ADAMTS5: variants seen among roughly 807,000 people sequenced by gnomAD.
ADAMTS5 encodes the protein A disintegrin and metalloproteinase with thrombospondin motifs 5.
In ADAMTS5, 54 loss-of-function variants were observed where a neutral mutation model predicts 81.4. The observed-to-expected ratio is 0.66, with a 90% CI of 0.53 to 0.83. The LOEUF (loss-of-function observed/expected upper bound fraction) is 0.83, where lower values mean the gene tolerates loss of function less well. ADAMTS5 is among the 40% of genes least tolerant of loss of function. The probability of loss-of-function intolerance (pLI) is 0.00; values close to 1 mark genes in which losing one functional copy is unlikely to be tolerated. For synonymous variants in ADAMTS5, 532 were observed against 508.8 expected (o/e 1.05, Z -0.61); for missense variants, 1,194 against 1,229.9 (o/e 0.97, Z 0.44).
At chr21:26,955,897 T>A (rs1277732530) in intron 1 of ADAMTS5, among the ~76,000 whole-genome samples, 1 of 152,214 alleles carries the variant, frequency 6.6e-6, no homozygotes, top group African/African-American at 2.4e-5. Context: ...TTTAAAAATA[T>A]ACTAATTATT....
chr21:26,965,056 A>G (rs1335596306), intron 1 of ADAMTS5, among the ~76,000 whole-genome samples: 1 of 152,150 alleles, frequency 6.6e-6, no homozygotes, highest in Admixed American at 6.5e-5. Flanking sequence ...ATGCAGCACT[A>G]CTGGGTCTTC....
At chr21:26,956,102 T>C (rs1483223527) in intron 1 of ADAMTS5, among the ~76,000 whole-genome samples, 3 of 152,190 alleles carry the variant, frequency 2.0e-5, no homozygotes, top group Admixed American at 6.5e-5. Flanking sequence ...CAGCAGGACC[T>C]CAGCAGGCTC....
Position 26,932,879 on chromosome 21 carries a change from T to C in ADAMTS5, c.1855A>G (p.Met619Val). ...AGCGTACCATTGGGTGGGCAGGGCA[T>C]GAGACTGCAGGAGCGGTAGATGGCC... ...KRAIYRSCSL[M>V]PCPPNGKSFR... Residue 619 changes from methionine (M) to valine (V), a missense_variant, in exon 5 of 8, where the codon ATG becomes GTG. By Grantham distance (21) the Met-to-Val change is conservative. Around this residue, in one of 2 missense-constraint regions of ADAMTS5, gnomAD observed 696 missense variants for 817.6 expected, o/e 0.85. Coordinates refer to ENST00000284987, the MANE Select transcript of ADAMTS5 (RefSeq NM_007038.5). The C allele has an allele frequency of 6.2e-7, 1 of 1,612,362 alleles. No homozygotes were observed.
At position 26,966,092 on chromosome 21, in the gene ADAMTS5, C is replaced by A; in HGVS notation, c.300G>T (p.Leu100Phe). ...CCACCGAACCATCTCGCTCCAGGTC[C>A]AAGAGGAACCTCCGGCCGCCCGCGT... ...LVYAGGRRFL[L>F]DLERDGSVGI... The change falls in exon 1 of 8, where the codon TTG (leucine) becomes TTT (phenylalanine). Residue 100 changes from leucine (L) to phenylalanine (F), a missense_variant. Around this residue, in one of 2 missense-constraint regions of ADAMTS5, gnomAD observed 498 missense variants for 412.3 expected, o/e 1.21. Coordinates refer to ENST00000284987, the MANE Select transcript of ADAMTS5 (RefSeq NM_007038.5). 2 of 1,612,946 alleles carry A rather than the reference C, an allele frequency of 1.2e-6. No individual in the cohort carries two copies. The highest frequency in any genetic ancestry group is 2.2e-5 in the East Asian group (1 of 44,842).
chr21:26,964,343 A>G (rs1364156270), intron 1 of ADAMTS5, among the ~76,000 whole-genome samples: 1 of 152,210 alleles, frequency 6.6e-6, no homozygotes, highest in Non-Finnish European at 1.5e-5. Context: ...AATACTGTGT[A>G]AATAGATACT....
chr21:26,920,655 T>A lies in ADAMTS5; in HGVS notation c.*3398A>T, dbSNP rs1188652886. 2 of 152,232 alleles carry A rather than the reference T, an allele frequency of 1.3e-5. No individual in the cohort carries two copies. Among genetic ancestry groups the A allele is most frequent in the South Asian group, 4.1e-4 (2 of 4,822 alleles). The allele number at this position is 152,232 out of a possible 1,614,324, so 9.4% of individuals were successfully genotyped here. A position where few individuals can be genotyped will look rare whatever the true frequency, so the allele number is the denominator to read the frequency against. Reference sequence around the variant, plus strand: ...CAAGTTTCTCGATGAAGTGAAAGGATCTGATTATTGGCTGTGTCTTAGCGT... The same window carrying A: ...CAAGTTTCTCGATGAAGTGAAAGGAACTGATTATTGGCTGTGTCTTAGCGT... On this transcript the variant is annotated 3_prime_UTR_variant, in exon 8 of 8. Coordinates refer to ENST00000284987, the MANE Select transcript of ADAMTS5 (RefSeq NM_007038.5).
chr21:26,940,984 T>C (rs1191918749), intron 3 of ADAMTS5, among the ~76,000 whole-genome samples: 2 of 152,178 alleles, frequency 1.3e-5, no homozygotes, highest in East Asian at 3.8e-4. Flanking sequence ...GTACCACTGT[T>C]TCAATTCTGA....
chr21:26,959,792 T>C lies in ADAMTS5; in HGVS notation c.1105-4921A>G, dbSNP rs138008929. The stretch of plus-strand genomic sequence containing the variant: ...TCTAATTAGCCACTGTAAGTCACTG[T>C]AGTTGTCCTCTATTTCTCATTTTTT... On this transcript the variant is annotated intron_variant, in intron 1 of 7. Transcript: ENST00000284987. Among the ~76,000 whole-genome samples the C allele has an allele frequency of 1.0e-3, 158 of 152,318 alleles. 2 individuals carry two copies. Among genetic ancestry groups the C allele is most frequent in the African/African-American group, 3.0e-3 (124 of 41,584 alleles).
At chr21:26,952,550 T>C (rs754642139) in intron 2 of ADAMTS5, among the ~76,000 whole-genome samples, 13 of 152,212 alleles carry the variant, frequency 8.5e-5, no homozygotes, top group African/African-American at 2.4e-5. Flanking sequence ...GCTGCACTTA[T>C]TGCCACAGTG....
chr21:26,965,923 C>A lies in ADAMTS5; in HGVS notation c.469G>T (p.Ala157Ser). 6.2e-7 allele frequency: 1 copy of A among 1,613,804 alleles called. No homozygotes were observed. Among genetic ancestry groups the A allele is most frequent in the Non-Finnish European group, 8.5e-7 (1 of 1,179,962 alleles). Residue 157 changes from alanine (A) to serine (S), a missense_variant, in exon 1 of 8, where the codon GCG (alanine) becomes TCG (serine). Transcript: ENST00000284987. ...DLCGGLDGFF[A>S]VKHARYTLKP... Reference sequence around the variant, plus strand: ...AGGGTGTAGCGCGCGTGCTTGACCGCGAAGAAGCCGTCGAGACCCCCACAG... The same window carrying A: ...AGGGTGTAGCGCGCGTGCTTGACCGAGAAGAAGCCGTCGAGACCCCCACAG...
chr21:26,925,893 G>A (rs997408167), intron 7 of ADAMTS5, among the ~76,000 whole-genome samples: 4 of 152,202 alleles, frequency 2.6e-5, no homozygotes, highest in East Asian at 1.9e-4. Flanking sequence ...TGCTCAGGGC[G>A]TTCCTTATTC....
chr21:26,922,465 C>CA lies in ADAMTS5; in HGVS notation c.*1587dup, dbSNP rs1986717891. The CA allele has an allele frequency of 6.6e-6, 1 of 151,998 alleles. No homozygotes were observed. Among genetic ancestry groups the CA allele is most frequent in the African/African-American group, 2.4e-5 (1 of 41,408 alleles). The allele number at this position is 151,998 out of a possible 1,614,324, so 9.4% of individuals were successfully genotyped here. ...ACATGCAAATCTTTAACAATAGGCACATTTGGCAGGATTACTATGAATTTT... is the reference window on the plus strand; with the variant it reads ...ACATGCAAATCTTTAACAATAGGCACAATTTGGCAGGATTACTATGAATTTT... On this transcript the variant is annotated 3_prime_UTR_variant, in exon 8 of 8. Transcript: ENST00000284987.
chr21:26,945,163 AAC>A lies in ADAMTS5; in HGVS notation c.1238-1618_1238-1617del, dbSNP rs1251069967. On this transcript the variant is annotated intron_variant, in intron 2 of 7. Transcript: ENST00000284987. ...TCACAGCTCACAGAAAAAAAAAAAA[AAC>A]AATCTTTCATTCATGTACTATTAGA... 6.0e-3 allele frequency among the ~76,000 whole-genome samples: 905 copies of A among 151,532 alleles called. 8 individuals are homozygous for A. Among genetic ancestry groups the A allele is most frequent in the African/African-American group, 0.021 (864 of 40,952 alleles).
At chr21:26,934,892 T>C in intron 3 of ADAMTS5, 143 bp from the exon 4 acceptor site, 1 of 1,162,618 alleles carries the variant, frequency 8.6e-7, no homozygotes. Context: ...GGAGAGGGAC[T>C]CCATGGGGAC....
rs1678132245 is a variant in ADAMTS5 at position 26,923,487 on chromosome 21, A to G, written c.*566T>C. ...GTAGTCAGAAAATATACTACATCTT[A>G]TTAAAACAGCAGCAAGTTCTTAATT... On this transcript the variant is annotated 3_prime_UTR_variant, in exon 8 of 8. Coordinates refer to ENST00000284987, the MANE Select transcript of ADAMTS5 (RefSeq NM_007038.5). 1.3e-5 allele frequency: 2 copies of G among 152,754 alleles called. No individual in the cohort carries two copies. The highest frequency in any genetic ancestry group is 4.1e-4 in the South Asian group (2 of 4,844). 9.5% of individuals were successfully genotyped at this position (152,754 alleles called of 1,614,324 possible).
intron 3 of ADAMTS5, among the ~76,000 whole-genome samples, chr21:26,941,193 T>C (rs144013664): frequency 7.4e-4 from 112 of 152,206 alleles, no homozygotes; most frequent in African/African-American, 2.6e-3. Context: ...AAAGTCTAGA[T>C]TGGATGAAAA....
intron 3 of ADAMTS5, among the ~76,000 whole-genome samples, chr21:26,937,921 G>C (rs1010527963): frequency 5.3e-5 from 8 of 152,090 alleles, no homozygotes; most frequent in African/African-American, 1.9e-4. Context: ...TTTTAACATT[G>C]TATATTTATA....
At chr21:26,934,291 C>A (rs1986968631) in intron 4 of ADAMTS5, among the ~76,000 whole-genome samples, 175 bp downstream of exon 4, 1 of 152,130 alleles carries the variant, frequency 6.6e-6, no homozygotes, top group Non-Finnish European at 1.5e-5. Flanking sequence ...CCCAGTAAAT[C>A]TCGGATCACT....
In ADAMTS5 at chr21:26,965,628, C is replaced by A; in HGVS notation, c.764G>T (p.Trp255Leu). ...SPAGGSGPQT[W>L]WRRRRRSISR... ...GATGGAGCGGCGCCGCCGCCGCCAC[C>A]ACGTCTGCGGTCCTGAGCCCCCAGC... The change falls in exon 1 of 8, where the codon TGG becomes TTG. Residue 255 changes from tryptophan (W) to leucine (L), a missense_variant. Around this residue, in one of 2 missense-constraint regions of ADAMTS5, gnomAD observed 498 missense variants for 412.3 expected, o/e 1.21. Coordinates refer to ENST00000284987, the MANE Select transcript of ADAMTS5 (RefSeq NM_007038.5). The A allele has an allele frequency of 6.3e-7, 1 of 1,597,154 alleles. No individual in the cohort carries two copies. The highest frequency in any genetic ancestry group is 2.3e-5 in the East Asian group (1 of 44,266).
Sources: allele counts gnomAD v4.1 joint callset (sites outside exome capture counted in the v4.1 genomes callset), GRCh38; gene constraint gnomAD v4.1.1; regional missense constraint gnomAD v4.1.1; transcripts MANE v1.5; gene names NCBI Gene and HGNC (gene_info 2026-07-23, HGNC 2026-07-21).